Variants in SPECC1 observed in about 807,000 individuals in gnomAD.
SPECC1 encodes cytospin-B.
A neutral mutation model predicts 104.1 loss-of-function variants in SPECC1; 62 were observed. The observed-to-expected ratio is 0.60, with a 90% CI of 0.49 to 0.74. SPECC1 has a LOEUF of 0.74. Ranked by LOEUF, SPECC1 falls within the 30% of genes least tolerant of loss-of-function variation. The pLI is 0.00. For synonymous variants in SPECC1, 513 were observed against 501.6 expected, an observed-to-expected ratio of 1.02 and a Z score of -0.30; for missense variants, 1,306 against 1,310.5, an observed-to-expected ratio of 1.00 and a Z score of 0.05.
chr17:20,188,990 A>G (rs1243215827), intron 3 of SPECC1, among the ~76,000 whole-genome samples: 1 of 152,150 alleles, frequency 6.6e-6, no homozygotes, highest in Non-Finnish European at 1.5e-5. Context: ...TTTCTCAGTG[A>G]TCTCTGTGAG....
intron 12 of SPECC1, among the ~76,000 whole-genome samples, chr17:20,264,094 C>T (rs1048870699): frequency 3.3e-5 from 5 of 152,140 alleles, no homozygotes; most frequent in African/African-American, 9.7e-5. Flanking sequence ...GTCTTGTTCT[C>T]TCAGAATTAG....
At chr17:20,124,006 T>C (rs774642646) in intron 3 of SPECC1, among the ~76,000 whole-genome samples, 104 of 152,140 alleles carry the variant, frequency 6.8e-4, no homozygotes, top group Middle Eastern at 3.4e-3. Flanking sequence ...CATGGATGGG[T>C]TGGCTTGCTG....
At chr17:20,197,086 A>AT (rs2036088205) in intron 3 of SPECC1, among the ~76,000 whole-genome samples, 1 of 152,148 alleles carries the variant, frequency 6.6e-6, no homozygotes, top group Non-Finnish European at 1.5e-5. Context: ...TAGTTGTAAG[A>AT]TTTTTCATTT....
At chr17:20,104,004 A>G (rs1239947601) in intron 2 of SPECC1, among the ~76,000 whole-genome samples, 1 of 152,222 alleles carries the variant, frequency 6.6e-6, no homozygotes, top group Admixed American at 6.5e-5. Context: ...ATGTTGCTGC[A>G]TCCAGGCCCT....
intron 1 of SPECC1, among the ~76,000 whole-genome samples, chr17:20,055,910 T>G (rs2045946064): frequency 6.6e-6 from 1 of 152,202 alleles, no homozygotes; most frequent in Non-Finnish European, 1.5e-5. Context: ...AGCATGCACC[T>G]TGGGAAGTGC....
At chr17:20,078,372 A>G (rs1331243764) in intron 1 of SPECC1, among the ~76,000 whole-genome samples, 3 of 152,018 alleles carry the variant, frequency 2.0e-5, no homozygotes, top group Non-Finnish European at 2.9e-5. Flanking sequence ...AAATGGGCAA[A>G]GGTTATAAAA....
chr17:20,198,418 T>G (rs1299649900), intron 3 of SPECC1, among the ~76,000 whole-genome samples: 1 of 152,224 alleles, frequency 6.6e-6, no homozygotes, highest in East Asian at 1.9e-4. Flanking sequence ...TTCAGGTGGC[T>G]GCTCCTCAGT....
At chr17:20,097,418 A>C in intron 2 of SPECC1, among the ~76,000 whole-genome samples, 1 of 152,244 alleles carries the variant, frequency 6.6e-6, no homozygotes, top group East Asian at 1.9e-4. Context: ...ATACTTTAGA[A>C]AAGTCAATAT....
intron 1 of SPECC1, among the ~76,000 whole-genome samples, chr17:20,038,984 G>A (rs982296068): frequency 7.2e-5 from 11 of 152,102 alleles, no homozygotes; most frequent in Admixed American, 2.6e-4. Context: ...CACTTAAAAC[G>A]TACAATTCAA....
intron 4 of SPECC1, among the ~76,000 whole-genome samples, chr17:20,227,137 A>G (rs373135681): frequency 1.4e-4 from 22 of 152,278 alleles, no homozygotes; most frequent in African/African-American, 4.6e-4. Context: ...GGAAGCATAC[A>G]TCGTGTTTCT....
chr17:20,299,015 G>A (rs1268000702), intron 13 of SPECC1, among the ~76,000 whole-genome samples: 2 of 146,724 alleles, frequency 1.4e-5, no homozygotes, highest in Admixed American at 6.9e-5. Context: ...TGGGGAGAGA[G>A]ATTTATTCTA....
intron 1 of SPECC1, among the ~76,000 whole-genome samples, chr17:20,029,918 T>C (rs2044741423): frequency 6.6e-6 from 1 of 152,204 alleles, no homozygotes; most frequent in South Asian, 2.1e-4. Flanking sequence ...CCATAATCTT[T>C]ATTATTTTCT....
At chr17:20,278,618 CACTTGAGTATAGAA>C (rs1018147764) in intron 12 of SPECC1, among the ~76,000 whole-genome samples, 1 of 152,080 alleles carries the variant, frequency 6.6e-6, no homozygotes, top group African/African-American at 2.4e-5. Context: ...GCAGGAAGAT[CACTTGAGTATAGAA>C]GTTTGAGGCT....
At chr17:20,192,737 T>C (rs1341023940) in intron 3 of SPECC1, among the ~76,000 whole-genome samples, 1 of 152,200 alleles carries the variant, frequency 6.6e-6, no homozygotes, top group East Asian at 1.9e-4. Context: ...TAGTCTTGCA[T>C]GTTCTGTGTG....
chr17:20,216,515 G>A (rs544834157), intron 4 of SPECC1, among the ~76,000 whole-genome samples: 2 of 152,212 alleles, frequency 1.3e-5, no homozygotes, highest in South Asian at 4.2e-4. Context: ...TGACAAGCAT[G>A]GTGTGGGGGT....
intron 1 of SPECC1, among the ~76,000 whole-genome samples, chr17:20,024,718 A>G (rs1292257483): frequency 6.6e-6 from 1 of 152,114 alleles, no homozygotes; most frequent in Non-Finnish European, 1.5e-5. Context: ...CAGTGTCTCT[A>G]GGGTGGTCCC....
chr17:20,208,127 T>G (rs762282817), intron 4 of SPECC1, among the ~76,000 whole-genome samples: 1 of 152,238 alleles, frequency 6.6e-6, no homozygotes, highest in Non-Finnish European at 1.5e-5. Flanking sequence ...GCACAACATA[T>G]ATGTTTAAAA....
chr17:20,155,797 C>A, intron 3 of SPECC1: 2 of 479,882 alleles, frequency 4.2e-6, no homozygotes, highest in Non-Finnish European at 5.7e-6. Flanking sequence ...CATCCGCGGG[C>A]GGAGGCCTGC....
At chr17:20,134,086 T>C (rs1163997073) in intron 3 of SPECC1, among the ~76,000 whole-genome samples, 1 of 150,624 alleles carries the variant, frequency 6.6e-6, no homozygotes, top group East Asian at 1.9e-4. Flanking sequence ...ATAAACATAT[T>C]ACAAACATGT....
Sources: allele counts gnomAD v4.1 joint callset (sites outside exome capture counted in the v4.1 genomes callset), GRCh38; gene constraint gnomAD v4.1.1; transcripts MANE v1.5; gene names NCBI Gene and HGNC (gene_info 2026-07-23, HGNC 2026-07-21).